The following DTWD2 variants were observed in gnomAD, a reference collection of about 807,000 sequenced individuals.
DTWD2 encodes the protein tRNA-uridine aminocarboxypropyltransferase 2.
A neutral mutation model predicts 31.8 loss-of-function variants in DTWD2; 39 were observed. The ratio of observed to expected loss-of-function variants is 1.22; its 90% CI spans 0.95 to 1.60. DTWD2 has a LOEUF of 1.60. Among genes scored for constraint, DTWD2 ranks in the 40% most tolerant of loss-of-function variants. The probability of loss-of-function intolerance (pLI) is 0.00; values close to 1 mark genes in which losing one functional copy is unlikely to be tolerated. For synonymous variants in DTWD2, 180 were observed against 142.8 expected (o/e 1.26, Z -1.86); for missense variants, 515 against 381.5 (o/e 1.35, Z -2.92).
Position 118,903,930 on chromosome 5 carries a change from G to A in DTWD2, c.597+24607C>T, listed in dbSNP as rs561145104. Reference sequence around the variant, plus strand: ...ATCAGAGAATTTTACATATATATTAGTATGAAATTATGTCAAAAGGATAGA... The same window carrying A: ...ATCAGAGAATTTTACATATATATTAATATGAAATTATGTCAAAAGGATAGA... On this transcript the variant is annotated intron_variant, in intron 4 of 5. Transcript: ENST00000510708. Among the ~76,000 whole-genome samples, 4 of 152,040 alleles carry A rather than the reference G, an allele frequency of 2.6e-5. 1 individual carries two copies. The South Asian group carries it at 8.3e-4, about 32-fold the overall frequency.
At chr5:118,975,779 G>A (rs746900671) in intron 1 of DTWD2, among the ~76,000 whole-genome samples, 6 of 152,070 alleles carry the variant, frequency 3.9e-5, no homozygotes, top group Non-Finnish European at 5.9e-5. Context: ...ATACTGGACC[G>A]ATCAATGAGA....
At chr5:118,977,263 T>G (rs1265780643) in intron 1 of DTWD2, among the ~76,000 whole-genome samples, 1 of 152,232 alleles carries the variant, frequency 6.6e-6, no homozygotes, top group Non-Finnish European at 1.5e-5. Context: ...AGCATTTCCT[T>G]TGAAGATCGG....
chr5:118,897,537 A>G (rs1324669331), intron 4 of DTWD2, among the ~76,000 whole-genome samples: 3 of 152,226 alleles, frequency 2.0e-5, no homozygotes, highest in African/African-American at 4.8e-5. Context: ...TACCATTTAC[A>G]TTCTCAGATC....
intron 4 of DTWD2, among the ~76,000 whole-genome samples, chr5:118,898,535 T>C (rs1753132783): frequency 6.6e-6 from 1 of 151,562 alleles, no homozygotes; most frequent in Non-Finnish European, 1.5e-5. Context: ...GGCGGGTGCC[T>C]GTAATCTCAA....
chr5:118,841,059 C>G lies in DTWD2; in HGVS notation c.755G>C (p.Cys252Ser). 1 of 1,612,786 alleles carries G rather than the reference C, an allele frequency of 6.2e-7. No homozygotes were observed. The highest frequency in any genetic ancestry group is 8.5e-7 in the Non-Finnish European group (1 of 1,179,332). Residue 252 changes from cysteine (C) to serine (S), a missense_variant, in exon 6 of 6, where the codon TGC (cysteine) becomes TCC (serine). Coordinates refer to ENST00000510708, the MANE Select transcript of DTWD2 (RefSeq NM_173666.4). ...GGCACCATGCTGAAGTTGAAAGGAGCATAAAGCTTGAAGAGGGCGAAGCAA... is the reference window on the plus strand; with the variant it reads ...GGCACCATGCTGAAGTTGAAAGGAGGATAAAGCTTGAAGAGGGCGAAGCAA... ...ETLLRPLQAL[C>S]SFQLQHGAQI...
At chr5:118,922,364 T>C (rs1753722388) in intron 4 of DTWD2, among the ~76,000 whole-genome samples, 2 of 152,214 alleles carry the variant, frequency 1.3e-5, no homozygotes, top group African/African-American at 4.8e-5. Flanking sequence ...GTTTCCTTTC[T>C]GCCATTTTTC....
chr5:118,970,457 A>G (rs570076404), intron 1 of DTWD2, among the ~76,000 whole-genome samples: 1 of 152,296 alleles, frequency 6.6e-6, no homozygotes, highest in East Asian at 1.9e-4. Context: ...AGAAAAGACG[A>G]TGAACAAAAA....
intron 4 of DTWD2, among the ~76,000 whole-genome samples, chr5:118,921,696 C>T (rs956290585): frequency 7.9e-5 from 12 of 152,054 alleles, no homozygotes; most frequent in African/African-American, 2.7e-4. Context: ...AAGCATATTT[C>T]CTGGAAAATA....
At chr5:118,918,358 G>A (rs541897268) in intron 4 of DTWD2, among the ~76,000 whole-genome samples, 15 of 150,366 alleles carry the variant, frequency 1.0e-4, no homozygotes, top group African/African-American at 2.9e-4. Flanking sequence ...ATGGAGTCTC[G>A]CTCTGTTGCC....
chr5:118,968,963 G>A (rs1355367788), intron 1 of DTWD2, among the ~76,000 whole-genome samples: 2 of 152,234 alleles, frequency 1.3e-5, no homozygotes, highest in Non-Finnish European at 2.9e-5. Context: ...GGGGGCAGCT[G>A]CCATCTCTGT....
At chr5:118,951,980 C>T (rs558895800) in intron 1 of DTWD2, among the ~76,000 whole-genome samples, 15 of 152,140 alleles carry the variant, frequency 9.9e-5, no homozygotes. Context: ...GGATAAAACG[C>T]GTCTCCTCTG....
intron 1 of DTWD2, among the ~76,000 whole-genome samples, chr5:118,954,765 C>T (rs1249968915): frequency 6.6e-6 from 1 of 152,144 alleles, no homozygotes; most frequent in African/African-American, 2.4e-5. Flanking sequence ...AAGTGATCCA[C>T]CTGCTTCGGC....
chr5:118,915,176 T>A (rs1340696374), intron 4 of DTWD2, among the ~76,000 whole-genome samples: 4 of 152,026 alleles, frequency 2.6e-5, no homozygotes, highest in Non-Finnish European at 5.9e-5. Flanking sequence ...AAGACAGGGC[T>A]ACTGCACTCC....
chr5:118,937,217 A>T (rs954586669), intron 3 of DTWD2, among the ~76,000 whole-genome samples: 5 of 152,180 alleles, frequency 3.3e-5, no homozygotes, highest in Admixed American at 2.6e-4. Flanking sequence ...AATCTACATG[A>T]TCATTTTAAT....
chr5:118,931,981 G>C (rs1247861811), intron 3 of DTWD2, among the ~76,000 whole-genome samples: 1 of 152,026 alleles, frequency 6.6e-6, no homozygotes, highest in Non-Finnish European at 1.5e-5. Flanking sequence ...GTAAACCACG[G>C]GTCAAGAGAT....
chr5:118,852,549 T>G (rs1248754800), intron 4 of DTWD2, among the ~76,000 whole-genome samples: 1 of 151,992 alleles, frequency 6.6e-6, no homozygotes, highest in Non-Finnish European at 1.5e-5. Flanking sequence ...GGGCTATTAT[T>G]AAAAAGTCAA....
intron 1 of DTWD2, among the ~76,000 whole-genome samples, chr5:118,965,994 C>G (rs181051645): frequency 1.3e-5 from 2 of 151,260 alleles, no homozygotes; most frequent in East Asian, 3.9e-4. Context: ...AAAGAGATGC[C>G]AGGAAGAAGT....
At chr5:118,863,041 A>G (rs1752301851) in intron 4 of DTWD2, among the ~76,000 whole-genome samples, 1 of 148,778 alleles carries the variant, frequency 6.7e-6, no homozygotes, top group Non-Finnish European at 1.5e-5. Context: ...TGAACTACCT[A>G]CCTCTGGACT....
intron 4 of DTWD2, among the ~76,000 whole-genome samples, chr5:118,925,485 A>C (rs768071055): frequency 1.1e-4 from 16 of 152,226 alleles, no homozygotes; most frequent in Non-Finnish European, 2.1e-4. Context: ...TAAAAGTAAA[A>C]TAATGATGAA....
Sources: gnomAD v4.1 joint callset for allele counts (sites outside exome capture counted in the v4.1 genomes callset) on GRCh38, gnomAD v4.1.1 for gene constraint, MANE v1.5 for transcripts, NCBI Gene and HGNC (gene_info 2026-07-23, HGNC 2026-07-21) for gene names.